The following MITF variants were observed in gnomAD, a reference collection of about 807,000 sequenced individuals.
The protein encoded by MITF is melanocyte inducing transcription factor.
A neutral mutation model predicts 60.5 loss-of-function variants in MITF; 17 were observed. That is an observed-to-expected ratio of 0.28 (90% CI 0.19 to 0.42). The LOEUF (loss-of-function observed/expected upper bound fraction) is 0.42. MITF is among the 10% of genes least tolerant of loss of function. The pLI is 1.00. For missense variants in MITF, 622 were observed against 683.5 expected, an observed-to-expected ratio of 0.91 and a Z score of 1.00; for synonymous variants, 260 against 248.5, an observed-to-expected ratio of 1.05 and a Z score of -0.43.
chr3:69,894,295 A>G (rs946375765), intron 2 of MITF, among the ~76,000 whole-genome samples: 4 of 152,234 alleles, frequency 2.6e-5, no homozygotes, highest in Admixed American at 2.6e-4. Context: ...ATCAAGTTGC[A>G]TAATCATTTT....
In MITF at chr3:69,949,132, C is replaced by A; in HGVS notation, c.844C>A (p.Pro282Thr). The change falls in exon 6 of 10, where the codon CCA becomes ACA. Residue 282 changes from proline (P) to threonine (T), a missense_variant. Physicochemically the swap from Pro to Thr is conservative, Grantham distance 38 (BLOSUM62 -1). Transcript: ENST00000352241. Reference protein sequence around the residue: ...PPGLTISNSCPANLPNIKREL... With the variant: ...PPGLTISNSCTANLPNIKREL... The stretch of plus-strand genomic sequence containing the variant: ...AGGCCTCACCATCAGCAACTCCTGT[C>A]CAGCCAACCTTCCCAACATAAAAAG... The A allele has an allele frequency of 6.2e-7, 1 of 1,613,656 alleles. No homozygotes were observed. Among genetic ancestry groups the A allele is most frequent in the South Asian group, 1.1e-5 (1 of 91,064 alleles).
intron 2 of MITF, among the ~76,000 whole-genome samples, chr3:69,914,310 C>G (rs924144182): frequency 1.3e-5 from 2 of 152,086 alleles, no homozygotes; most frequent in African/African-American, 4.8e-5. Context: ...TTAGTAGAGA[C>G]AGGGTTTCAC....
intron 8 of MITF, among the ~76,000 whole-genome samples, chr3:69,957,449 A>G (rs903897509): frequency 1.3e-5 from 2 of 152,112 alleles, no homozygotes; most frequent in Middle Eastern, 3.2e-3. Context: ...ACCATTACCT[A>G]TTGTGAGGTG....
At chr3:69,764,212 T>G (rs1440826960) in intron 1 of MITF, among the ~76,000 whole-genome samples, 6 of 152,240 alleles carry the variant, frequency 3.9e-5, no homozygotes, top group Non-Finnish European at 2.9e-5. Flanking sequence ...TATTTGAAGC[T>G]GTAGAAGTGA....
chr3:69,856,671 G>C (rs975985432), intron 1 of MITF, among the ~76,000 whole-genome samples: 1 of 152,064 alleles, frequency 6.6e-6, no homozygotes, highest in Non-Finnish European at 1.5e-5. Flanking sequence ...AATTTCCAAA[G>C]ACCTTGTTTC....
chr3:69,792,231 A>T (rs2062751816), intron 1 of MITF, among the ~76,000 whole-genome samples: 1 of 152,242 alleles, frequency 6.6e-6, no homozygotes, highest in Non-Finnish European at 1.5e-5. Context: ...AGGGTCTGAT[A>T]GTGAGCAAAG....
rs1257059111 is a variant in MITF at position 69,964,410 on chromosome 3, T to A, written c.1180-437T>A. Among the ~76,000 whole-genome samples the A allele has an allele frequency of 3.8e-5, 3 of 79,606 alleles. 1 individual carries two copies. Among genetic ancestry groups the A allele is most frequent in the African/African-American group, 1.6e-4 (3 of 18,606 alleles). 52.2% of individuals were successfully genotyped at this position (79,606 alleles called of 152,430 possible). A position where few individuals can be genotyped will look rare whatever the true frequency, so the allele number is the denominator to read the frequency against. ...CACATACTGCCAGTGGTACTTCTCC[T>A]ATACTTTAGAACATACAGAGCTCAT... On this transcript the variant is annotated intron_variant, in intron 9 of 9. Transcript: ENST00000352241.
At position 69,923,086 on chromosome 3, in the gene MITF, A is replaced by C. The variant is rs560823623; in HGVS notation, c.355-14736A>C. 3.9e-5 allele frequency among the ~76,000 whole-genome samples: 6 copies of C among 152,272 alleles called. No individual in the cohort carries two copies. The South Asian group carries it at 1.2e-3, about 32-fold the overall frequency. ...TTTATAATAAAGCACAAAAACAAAT[A>C]CTCAGAAGAAATAGTGATTACATAG... On this transcript the variant is annotated intron_variant, in intron 2 of 9. Transcript: ENST00000352241.
At chr3:69,772,373 G>A (rs2106842545) in intron 1 of MITF, among the ~76,000 whole-genome samples, 1 of 152,286 alleles carries the variant, frequency 6.6e-6, no homozygotes, top group South Asian at 2.1e-4. Context: ...AGGCCTAATG[G>A]CAAATGTTGG....
At chr3:69,903,431 CT>C (rs1693565042) in intron 2 of MITF, among the ~76,000 whole-genome samples, 2 of 152,124 alleles carry the variant, frequency 1.3e-5, no homozygotes, top group African/African-American at 4.8e-5. Flanking sequence ...CTGAGCCTGA[CT>C]AACTATCTTG....
At position 69,966,711 on chromosome 3, in the gene MITF, A is replaced by C. The variant is rs563548804; in HGVS notation, c.*1463A>C. ...CAATAACAGTAGTGTTACATGTATC[A>C]AGCCTAGATGTTTTATACAGATGCC... On this transcript the variant is annotated 3_prime_UTR_variant, in exon 10 of 10. Coordinates refer to ENST00000352241, the MANE Select transcript of MITF (RefSeq NM_001354604.2). 1 of 232,998 alleles carries C rather than the reference A, an allele frequency of 4.3e-6. No individual in the cohort carries two copies. The highest frequency in any genetic ancestry group is 1.8e-4 in the South Asian group (1 of 5,520). 14.4% of individuals were successfully genotyped at this position (232,998 alleles called of 1,614,324 possible).
chr3:69,777,067 A>C (rs774909872), intron 1 of MITF, among the ~76,000 whole-genome samples: 1 of 152,230 alleles, frequency 6.6e-6, no homozygotes, highest in Non-Finnish European at 1.5e-5. Context: ...ATGCATTTGC[A>C]ATTTTGCAGA....
intron 1 of MITF, among the ~76,000 whole-genome samples, chr3:69,831,442 C>T (rs1347221545): frequency 6.6e-6 from 1 of 152,174 alleles, no homozygotes; most frequent in Non-Finnish European, 1.5e-5. Flanking sequence ...TTGCTGTGTG[C>T]TGTGATGTTG....
At chr3:69,870,389 T>C (rs2064207244) in intron 1 of MITF, among the ~76,000 whole-genome samples, 1 of 149,318 alleles carries the variant, frequency 6.7e-6, no homozygotes, top group Non-Finnish European at 1.5e-5. Context: ...TGTATATATA[T>C]GTGTATAAAT....
At chr3:69,897,666 C>T (rs564549615) in intron 2 of MITF, among the ~76,000 whole-genome samples, 1 of 152,166 alleles carries the variant, frequency 6.6e-6, no homozygotes, top group East Asian at 1.9e-4. Flanking sequence ...AGAAAGTTTG[C>T]TGACTGCTGA....
At chr3:69,912,986 G>A (rs1170482915) in intron 2 of MITF, among the ~76,000 whole-genome samples, 1 of 152,156 alleles carries the variant, frequency 6.6e-6, no homozygotes, top group Non-Finnish European at 1.5e-5. Context: ...GTAATAAAAT[G>A]GAACATTTGG....
intron 5 of MITF, among the ~76,000 whole-genome samples, chr3:69,947,631 T>C (rs1450425258): frequency 6.6e-6 from 1 of 152,170 alleles, no homozygotes; most frequent in African/African-American, 2.4e-5. Flanking sequence ...TATTAGGTTT[T>C]ATGCATATAC....
chr3:69,903,042 A>G (rs977132155), intron 2 of MITF, among the ~76,000 whole-genome samples: 1 of 152,176 alleles, frequency 6.6e-6, no homozygotes, highest in African/African-American at 2.4e-5. Context: ...TGAGTCTTCA[A>G]AGAGTTTGAG....
intron 1 of MITF, among the ~76,000 whole-genome samples, chr3:69,741,578 C>T (rs368809884): frequency 6.6e-6 from 1 of 152,112 alleles, no homozygotes; most frequent in South Asian, 2.1e-4. Flanking sequence ...CTAGCAGGCA[C>T]GTGTAAGGGA....
Sources: gnomAD v4.1 joint callset for allele counts (sites outside exome capture counted in the v4.1 genomes callset) on GRCh38, gnomAD v4.1.1 for gene constraint, MANE v1.5 for transcripts, NCBI Gene and HGNC (gene_info 2026-07-23, HGNC 2026-07-21) for gene names.